The following CCDC83 variants were observed in gnomAD, a reference collection of about 807,000 sequenced individuals.
CCDC83 encodes coiled-coil domain containing 83, also known as coiled-coil domain-containing protein 83.
In CCDC83, 54 loss-of-function variants were observed where a neutral mutation model predicts 50.1. That is an observed-to-expected ratio of 1.08 (90% CI 0.87 to 1.35). CCDC83 has a LOEUF of 1.35. Among genes scored for constraint, CCDC83 ranks in the 40% most tolerant of loss-of-function variants. The pLI is 0.00. For missense variants in CCDC83, 518 were observed against 473.9 expected (o/e 1.09, Z -0.86); for synonymous variants, 161 against 153.3 (o/e 1.05, Z -0.37).
intron 6 of CCDC83, among the ~76,000 whole-genome samples, chr11:85,897,292 G>A (rs1332574402): frequency 6.6e-6 from 1 of 152,180 alleles, no homozygotes; most frequent in Admixed American, 6.5e-5. Context: ...TTTATGACTT[G>A]CCTAGAGCAA....
At chr11:85,882,962 G>C (rs1015752905) in intron 4 of CCDC83, among the ~76,000 whole-genome samples, 1 of 152,148 alleles carries the variant, frequency 6.6e-6, no homozygotes, top group African/African-American at 2.4e-5. Flanking sequence ...CAGTCACCCA[G>C]GCTGGAGTGC....
intron 3 of CCDC83, 34 bp downstream of exon 3, chr11:85,873,329 T>A (rs1413370133): frequency 1.2e-6 from 1 of 838,346 alleles, no homozygotes; most frequent in South Asian, 2.0e-5. Context: ...TATATAGTCA[T>A]TAAATATTTA....
In CCDC83 at chr11:85,911,189, A is replaced by AG. The variant is rs569379994; in HGVS notation, c.673-92_673-91insG. The AG allele has an allele frequency of 1.8e-5, 20 of 1,122,756 alleles. No homozygotes were observed. The African/African-American group carries it at 1.8e-4, about 10-fold the overall frequency. The allele number at this position is 1,122,756 out of a possible 1,614,324, so 69.5% of individuals were successfully genotyped here. On this transcript the variant is annotated intron_variant, in intron 7 of 10. Transcript: ENST00000342404. ...TCCGTCTCAAATAAAAAAAAAAAAA[A>AG]AAAGAAAGAAAAAAGAAAAAAATAA...
intron 2 of CCDC83, among the ~76,000 whole-genome samples, chr11:85,871,367 T>C (rs2093236327): frequency 6.6e-6 from 1 of 152,180 alleles, no homozygotes; most frequent in Non-Finnish European, 1.5e-5. Flanking sequence ...TAAATATCCT[T>C]AGAGAACTGG....
At chr11:85,915,348 G>A (rs1260528677) in intron 8 of CCDC83, 71 bp from the exon 9 acceptor site, 6 of 1,061,794 alleles carry the variant, frequency 5.7e-6, no homozygotes, top group East Asian at 2.4e-5. Context: ...CTAGTAGAGA[G>A]ATAGACCCTA....
intron 2 of CCDC83, among the ~76,000 whole-genome samples, chr11:85,867,046 C>G (rs976378675): frequency 5.3e-5 from 8 of 152,074 alleles, no homozygotes; most frequent in Non-Finnish European, 1.2e-4. Context: ...GTGACTAGGT[C>G]TTTGTTTAAG....
intron 3 of CCDC83, among the ~76,000 whole-genome samples, chr11:85,878,707 T>G (rs988267986): frequency 6.6e-6 from 1 of 151,938 alleles, no homozygotes; most frequent in African/African-American, 2.4e-5. Flanking sequence ...GGAGTTCAAT[T>G]GCTGGGTAGT....
chr11:85,881,476 G>A (rs1035005995), intron 3 of CCDC83, among the ~76,000 whole-genome samples: 9 of 152,076 alleles, frequency 5.9e-5, no homozygotes, highest in African/African-American at 1.9e-4. Flanking sequence ...AAGCTGGAGT[G>A]CAATGGTGCG....
chr11:85,884,651 A>C (rs570599772), intron 4 of CCDC83, among the ~76,000 whole-genome samples: 2 of 152,322 alleles, frequency 1.3e-5, no homozygotes, highest in South Asian at 4.1e-4. Flanking sequence ...TCTCAGCTTA[A>C]ACAAACAAAC....
chr11:85,914,968 A>C (rs866922576), intron 8 of CCDC83, among the ~76,000 whole-genome samples: 2 of 152,168 alleles, frequency 1.3e-5, no homozygotes, highest in Non-Finnish European at 2.9e-5. Context: ...ATCAGATCTC[A>C]TGGGAACTCA....
intron 2 of CCDC83, among the ~76,000 whole-genome samples, chr11:85,866,464 G>C (rs2093207259): frequency 6.6e-6 from 1 of 152,110 alleles, no homozygotes; most frequent in South Asian, 2.1e-4. Flanking sequence ...AAGGCAGGTG[G>C]ATGAGCCCAG....
At chr11:85,901,652 A>C (rs1424997101) in intron 7 of CCDC83, among the ~76,000 whole-genome samples, 1 of 151,828 alleles carries the variant, frequency 6.6e-6, no homozygotes, top group Non-Finnish European at 1.5e-5. Context: ...AAAAAAAAAA[A>C]AGGAAGAAGA....
In CCDC83 at chr11:85,857,957, T is replaced by A. The variant is rs115873429; in HGVS notation, c.-29+2373T>A. Among the ~76,000 whole-genome samples the A allele has an allele frequency of 3.7e-3, 559 of 152,346 alleles. 2 individuals are homozygous for A. Among genetic ancestry groups the A allele is most frequent in the African/African-American group, 0.013 (543 of 41,568 alleles). ...GCTGGCACTTTAAGCAGATGAAGGA[T>A]GATGCCATCATTTGTAACACTGGAC... is the stretch of plus-strand genomic sequence containing the variant. On this transcript the variant is annotated intron_variant, in intron 1 of 10. Transcript: ENST00000342404.
rs553309906 is a variant in CCDC83, at chr11:85,878,631, A to C, written c.181-3882A>C. Among the ~76,000 whole-genome samples, 32 of 152,376 alleles carry C rather than the reference A, an allele frequency of 2.1e-4. 1 individual carries two copies. The South Asian group carries it at 6.6e-3, about 32-fold the overall frequency. Reference sequence around the variant, plus strand: ...TTATTGGACATTTTACATAAAGCTAATATAAACATTCATGGACAGGTATTT... The same window carrying C: ...TTATTGGACATTTTACATAAAGCTACTATAAACATTCATGGACAGGTATTT... On this transcript the variant is annotated intron_variant, in intron 3 of 10. Coordinates refer to ENST00000342404, the MANE Select transcript of CCDC83 (RefSeq NM_001286159.2).
intron 3 of CCDC83, among the ~76,000 whole-genome samples, chr11:85,877,250 G>A (rs1459184549): frequency 3.9e-5 from 6 of 152,142 alleles, no homozygotes; most frequent in Admixed American, 1.3e-4. Flanking sequence ...CAGGAGGATC[G>A]CTTGAGGCCA....
chr11:85,865,499 C>T (rs1184203007), intron 2 of CCDC83, among the ~76,000 whole-genome samples: 1 of 152,184 alleles, frequency 6.6e-6, no homozygotes, highest in Non-Finnish European at 1.5e-5. Context: ...CTATTGGCTC[C>T]TTCAGTTGTT....
chr11:85,889,871 G>C (rs1046551314), intron 5 of CCDC83, among the ~76,000 whole-genome samples: 1 of 152,168 alleles, frequency 6.6e-6, no homozygotes, highest in Non-Finnish European at 1.5e-5. Context: ...TTACGCTGAG[G>C]TGGCAAAATG....
At chr11:85,912,851 C>A in intron 8 of CCDC83, 2 of 730,502 alleles carry the variant, frequency 2.7e-6, no homozygotes, top group East Asian at 2.5e-5. Context: ...ACCCGTGTCT[C>A]TACCTGGATC....
intron 3 of CCDC83, among the ~76,000 whole-genome samples, chr11:85,874,616 T>C (rs2093258692): frequency 6.6e-6 from 1 of 152,124 alleles, no homozygotes; most frequent in Non-Finnish European, 1.5e-5. Flanking sequence ...TAAACCACCA[T>C]CTCTTACTCA....
Sources: gnomAD v4.1 joint callset for allele counts (sites outside exome capture counted in the v4.1 genomes callset) on GRCh38, gnomAD v4.1.1 for gene constraint, MANE v1.5 for transcripts, NCBI Gene and HGNC (gene_info 2026-07-23, HGNC 2026-07-21) for gene names.